Variants in MARCHF3 observed in about 807,000 individuals in gnomAD.
The protein encoded by MARCHF3 is membrane associated ring-CH-type finger 3, also known as E3 ubiquitin-protein ligase MARCHF3.
A neutral mutation model predicts 24.2 loss-of-function variants in MARCHF3; 13 were observed. The ratio of observed to expected loss-of-function variants is 0.54; its 90% CI spans 0.35 to 0.85. The LOEUF (loss-of-function observed/expected upper bound fraction) is 0.85. MARCHF3 is among the 40% of genes least tolerant of loss of function. MARCHF3 has a pLI of 0.01. For synonymous variants in MARCHF3, 144 were observed against 137.3 expected (o/e 1.05, Z -0.34); for missense variants, 276 against 325.0 (o/e 0.85, Z 1.16).
chr5:126,945,090 C>A (rs894273649), intron 1 of MARCHF3, among the ~76,000 whole-genome samples: 10 of 152,186 alleles, frequency 6.6e-5, no homozygotes, highest in Non-Finnish European at 1.3e-4. Flanking sequence ...CCCTCTAACC[C>A]CTGTCATCAG....
intron 1 of MARCHF3, among the ~76,000 whole-genome samples, chr5:126,954,079 C>T (rs777397081): frequency 2.6e-5 from 4 of 152,032 alleles, no homozygotes; most frequent in Non-Finnish European, 5.9e-5. Context: ...CGGAGTCTCA[C>T]CCTGTCGCCC....
At chr5:127,024,180 G>A (rs1190266136) in intron 1 of MARCHF3, among the ~76,000 whole-genome samples, 1 of 152,174 alleles carries the variant, frequency 6.6e-6, no homozygotes. Flanking sequence ...GGAGATGGAT[G>A]GAGTAGGAAT....
chr5:126,955,439 A>C (rs936697469), intron 1 of MARCHF3, among the ~76,000 whole-genome samples: 3 of 152,204 alleles, frequency 2.0e-5, no homozygotes, highest in Non-Finnish European at 4.4e-5. Context: ...GGTGTACCAC[A>C]CTACATGCCC....
intron 3 of MARCHF3, among the ~76,000 whole-genome samples, chr5:126,897,641 T>C (rs1227414006): frequency 1.3e-5 from 2 of 151,978 alleles, no homozygotes; most frequent in Admixed American, 1.3e-4. Context: ...AAGTAAAAGA[T>C]GAACAGTGAC....
At chr5:127,000,429 C>A (rs544978346) in intron 1 of MARCHF3, among the ~76,000 whole-genome samples, 1 of 152,100 alleles carries the variant, frequency 6.6e-6, no homozygotes, top group Admixed American at 6.5e-5. Context: ...CAAGGGGGTT[C>A]GAGGTCCCTC....
At chr5:126,949,552 C>T (rs1750143469) in intron 1 of MARCHF3, among the ~76,000 whole-genome samples, 1 of 152,172 alleles carries the variant, frequency 6.6e-6, no homozygotes, top group Admixed American at 6.5e-5. Context: ...TACTCCATCT[C>T]TCTCCCTTCC....
At chr5:127,016,799 A>G (rs1752649212) in intron 1 of MARCHF3, among the ~76,000 whole-genome samples, 1 of 152,220 alleles carries the variant, frequency 6.6e-6, no homozygotes, top group Non-Finnish European at 1.5e-5. Context: ...ACTAAGACAC[A>G]TGAACACCTA....
At chr5:126,901,969 G>A (rs1754120606) in intron 3 of MARCHF3, among the ~76,000 whole-genome samples, 1 of 152,062 alleles carries the variant, frequency 6.6e-6, no homozygotes, top group Non-Finnish European at 1.5e-5. Context: ...AACACCCATG[G>A]AATAACTTCT....
At chr5:126,895,437 G>T (rs995255309) in intron 3 of MARCHF3, among the ~76,000 whole-genome samples, 11 of 152,044 alleles carry the variant, frequency 7.2e-5, no homozygotes, top group African/African-American at 2.2e-4. Flanking sequence ...CCCCATCTTT[G>T]TGGTTTTATC....
At chr5:126,910,507 G>A (rs1015845433) in intron 3 of MARCHF3, among the ~76,000 whole-genome samples, 2 of 152,308 alleles carry the variant, frequency 1.3e-5, no homozygotes, top group South Asian at 2.1e-4. Context: ...CGGAGGGACC[G>A]GCTGAAGCCA....
At chr5:127,028,524 C>T (rs1753072854) in intron 1 of MARCHF3, among the ~76,000 whole-genome samples, 1 of 151,304 alleles carries the variant, frequency 6.6e-6, no homozygotes, top group African/African-American at 2.4e-5. Context: ...TTAATTATAG[C>T]CTCTGCAATA....
intron 1 of MARCHF3, among the ~76,000 whole-genome samples, chr5:127,011,085 C>G (rs548468557): frequency 2.6e-5 from 4 of 152,106 alleles, no homozygotes; most frequent in African/African-American, 4.8e-5. Flanking sequence ...TTCCATGGAG[C>G]CTTCATACTA....
intron 3 of MARCHF3, among the ~76,000 whole-genome samples, chr5:126,909,138 C>G (rs923447320): frequency 3.9e-5 from 6 of 152,248 alleles, no homozygotes; most frequent in Non-Finnish European, 7.3e-5. Context: ...GCTCGGGGGT[C>G]AGGGGTCAGG....
intron 1 of MARCHF3, among the ~76,000 whole-genome samples, chr5:127,002,897 T>C (rs545034146): frequency 1.3e-5 from 2 of 152,316 alleles, no homozygotes; most frequent in African/African-American, 2.4e-5. Flanking sequence ...AATGAATTTC[T>C]ACCGGGCCAA....
intron 3 of MARCHF3, among the ~76,000 whole-genome samples, chr5:126,881,528 C>T (rs1753341597): frequency 6.6e-6 from 1 of 152,034 alleles, no homozygotes; most frequent in Non-Finnish European, 1.5e-5. Context: ...ATGGAATTGT[C>T]TAAATAAATT....
rs552547780 is a variant in MARCHF3 at position 127,017,106 on chromosome 5, G to A, written c.-57+13244C>T. Reference sequence around the variant, plus strand: ...AGGGAGGGGAACATCACGCACTGGGGCCTGTCAGGTGGTGGGGGGCTGGGG... The same window carrying A: ...AGGGAGGGGAACATCACGCACTGGGACCTGTCAGGTGGTGGGGGGCTGGGG... On this transcript the variant is annotated intron_variant, in intron 1 of 4. Transcript: ENST00000308660. Among the ~76,000 whole-genome samples, 6 of 152,272 alleles carry A rather than the reference G, an allele frequency of 3.9e-5. No homozygotes were observed. In the East Asian group the frequency reaches 1.2e-3, roughly 29 times the overall value.
chr5:126,891,988 T>C (rs1170347154), intron 3 of MARCHF3, among the ~76,000 whole-genome samples: 2 of 151,590 alleles, frequency 1.3e-5, no homozygotes, highest in East Asian at 3.9e-4. Context: ...GTAGTTCTCC[T>C]TGAAGAGGTC....
chr5:126,952,462 C>T (rs944490711), intron 1 of MARCHF3, among the ~76,000 whole-genome samples: 18 of 152,110 alleles, frequency 1.2e-4, no homozygotes, highest in African/African-American at 3.6e-4. Context: ...CCTCTTGTAA[C>T]AATTCTTGAT....
At chr5:127,027,429 G>T (rs1156599047) in intron 1 of MARCHF3, among the ~76,000 whole-genome samples, 5 of 152,142 alleles carry the variant, frequency 3.3e-5, no homozygotes, top group Non-Finnish European at 7.4e-5. Context: ...GAAAAAGGGT[G>T]CCTCATGAAG....
Sources: gnomAD v4.1 joint callset for allele counts (sites outside exome capture counted in the v4.1 genomes callset) on GRCh38, gnomAD v4.1.1 for gene constraint, MANE v1.5 for transcripts, NCBI Gene and HGNC (gene_info 2026-07-23, HGNC 2026-07-21) for gene names.